ZSCAN31: variants seen among roughly 807,000 people sequenced by gnomAD.
ZSCAN31 encodes the protein zinc finger and SCAN domain containing 31.
In ZSCAN31, 14 loss-of-function variants were observed where a neutral mutation model predicts 22.5. The ratio of observed to expected loss-of-function variants is 0.62; its 90% CI spans 0.41 to 0.97. The LOEUF is 0.97. Ranked by LOEUF, ZSCAN31 falls within the 50% of genes least tolerant of loss-of-function variation. The pLI, the probability that ZSCAN31 is intolerant of heterozygous loss-of-function variation, is 0.00. For synonymous variants in ZSCAN31, 168 were observed against 169.8 expected, an observed-to-expected ratio of 0.99 and a Z score of 0.08; for missense variants, 424 against 483.4, an observed-to-expected ratio of 0.88 and a Z score of 1.15.
At position 28,326,629 on chromosome 6, in the gene ZSCAN31, A is replaced by G; in HGVS notation, c.758T>C (p.Val253Ala). The change falls in exon 4 of 4, where the codon GTA becomes GCA. Residue 253 changes from valine to alanine, a missense_variant. Coordinates refer to ENST00000344279, the MANE Select transcript of ZSCAN31 (RefSeq NM_030899.5). ...ECGKSFTKSS[V>A]LIEHQRIHTG... is the part of the protein sequence containing the mutation. ...GTGGATTCTCTGGTGCTCAATGAGTACTGAACTCTTAGTGAAGCTTTTCCC... is the reference window on the plus strand; with the variant it reads ...GTGGATTCTCTGGTGCTCAATGAGTGCTGAACTCTTAGTGAAGCTTTTCCC... 1.9e-6 allele frequency: 3 copies of G among 1,614,078 alleles called. No individual in the cohort carries two copies. Among genetic ancestry groups the G allele is most frequent in the Non-Finnish European group, 2.5e-6 (3 of 1,180,012 alleles).
Position 28,326,080 on chromosome 6 carries a change from A to G in ZSCAN31, c.*86T>C. 6 of 1,264,690 alleles carry G rather than the reference A, an allele frequency of 4.7e-6. No individual in the cohort carries two copies. The highest frequency in any genetic ancestry group is 5.5e-6 in the Non-Finnish European group (5 of 913,866). The allele number at this position is 1,264,690 out of a possible 1,614,324, so 78.3% of individuals were successfully genotyped here. The stretch of plus-strand genomic sequence containing the variant: ...TAGGGGTCTGAGGGTCCACAGAATT[A>G]GTCCAGTTCTGCTGGAACAGTATGG... On this transcript the variant is annotated 3_prime_UTR_variant, in exon 4 of 4. Coordinates refer to ENST00000344279, the MANE Select transcript of ZSCAN31 (RefSeq NM_030899.5).
Position 28,326,308 on chromosome 6 carries a change from A to T in ZSCAN31, c.1079T>A (p.Phe360Tyr). 6.2e-7 allele frequency: 1 copy of T among 1,614,232 alleles called. No homozygotes were observed. The highest frequency in any genetic ancestry group is 8.5e-7 in the Non-Finnish European group (1 of 1,180,038). The change falls in exon 4 of 4, where the codon TTC becomes TAC. Residue 360 changes from phenylalanine to tyrosine, a missense_variant. Coordinates refer to ENST00000344279, the MANE Select transcript of ZSCAN31 (RefSeq NM_030899.5). ...CTGGAAAAGCCCTGCATTCTGAATG[A>T]AGGCTTTGCCACACTCACGACACTG... ...RYQCRECGKA[F>Y]IQNAGLFQHL...
At chr6:28,342,164 C>A (rs1198193832) in intron 2 of ZSCAN31, among the ~76,000 whole-genome samples, 1 of 152,148 alleles carries the variant, frequency 6.6e-6, no homozygotes, top group Non-Finnish European at 1.5e-5. Flanking sequence ...CTGGGGCTCA[C>A]CTGAATGTGT....
At position 28,329,498 on chromosome 6, in the gene ZSCAN31, T is replaced by A. The variant is rs765469712; in HGVS notation, c.186A>T (p.Glu62Asp). ...GPREALSRLR[E>D]LCHQWLRPEI... The stretch of plus-strand genomic sequence containing the variant: ...CTGGCCTTAGCCACTGATGACAGAG[T>A]TCTCGGAGCCGGCTCAGAGCTTCTC... The change falls in exon 2 of 4, where the codon GAA becomes GAT. Residue 62 changes from glutamate (E) to aspartate (D), a missense_variant. Transcript: ENST00000344279. The A allele has an allele frequency of 1.2e-6, 2 of 1,614,058 alleles. No individual in the cohort carries two copies. Among genetic ancestry groups the A allele is most frequent in the South Asian group, 2.2e-5 (2 of 91,064 alleles).
rs187844298 is a variant in ZSCAN31, at chr6:28,329,157, A to G, written c.381+146T>C. 630 of 972,278 alleles carry G rather than the reference A, an allele frequency of 6.5e-4. 7 individuals carry two copies. The Admixed American group carries it at 0.014, about 21-fold the overall frequency. The allele number at this position is 972,278 out of a possible 1,614,324, so 60.2% of individuals were successfully genotyped here. Reference sequence around the variant, plus strand: ...CCCACCTGAGTCTTGTCATCAGATGACCATAGTCTTGGCCATTAAGGTTTA... The same window carrying G: ...CCCACCTGAGTCTTGTCATCAGATGGCCATAGTCTTGGCCATTAAGGTTTA... On this transcript the variant is annotated intron_variant, in intron 2 of 3. Transcript: ENST00000344279.
chr6:28,325,056 A>C lies in ZSCAN31; in HGVS notation c.*1110T>G, dbSNP rs1763171198. ...GACTATAGCATAGCAGCATTTAGAT[A>C]ACTTGCCTAAAGTCCCACAGCTCAC... On this transcript the variant is annotated 3_prime_UTR_variant, in exon 4 of 4. Coordinates refer to ENST00000344279, the MANE Select transcript of ZSCAN31 (RefSeq NM_030899.5). The C allele has an allele frequency of 6.6e-6, 1 of 152,222 alleles. No individual in the cohort carries two copies. The highest frequency in any genetic ancestry group is 1.9e-4 in the East Asian group (1 of 5,194). The allele number at this position is 152,222 out of a possible 1,614,324, so 9.4% of individuals were successfully genotyped here.
intron 2 of ZSCAN31, among the ~76,000 whole-genome samples, chr6:28,348,062 G>T (rs1319489101): frequency 7.0e-6 from 1 of 142,758 alleles, no homozygotes; most frequent in Non-Finnish European, 1.5e-5. Context: ...CTGTATGATT[G>T]TTGGCTTTTT....
rs770273823 is a variant in ZSCAN31, at chr6:28,326,453, G to T, written c.934C>A (p.Arg312=). 2.5e-5 allele frequency: 41 copies of T among 1,613,816 alleles called. No individual in the cohort carries two copies. The highest frequency in any genetic ancestry group is 3.4e-5 in the Non-Finnish European group (40 of 1,179,984). ...KAFSASNGLT[R]HRRIHTGEKP... ...TCCCCTGTGTGGATTCTTCTGTGTC[G>T]AGTGAGGCCATTGCTGGCACTGAAG... The change falls in exon 4 of 4, where the codon CGA becomes AGA. Residue 312 remains arginine (R), a synonymous_variant. Transcript: ENST00000344279.
chr6:28,335,151 T>C (rs1469907764), intron 1 of ZSCAN31, among the ~76,000 whole-genome samples: 2 of 152,088 alleles, frequency 1.3e-5, no homozygotes, highest in Non-Finnish European at 2.9e-5. Flanking sequence ...CTTAGGTGGA[T>C]AGCAAGGGAA....
chr6:28,354,059 C>T (rs79144650), intron 1 of ZSCAN31: 13,004 of 418,834 alleles, frequency 0.031, 699 homozygotes, highest in African/African-American at 0.15. Flanking sequence ...TCTCAGCAAA[C>T]GGCTCTGTGG....
intron 2 of ZSCAN31, chr6:28,353,719 T>C (rs1447326050): frequency 2.4e-6 from 1 of 415,726 alleles, no homozygotes; most frequent in Non-Finnish European, 4.9e-6. Context: ...AGTTAAAACC[T>C]TGCGAGTGAT....
Position 28,326,638 on chromosome 6 carries a change from T to C in ZSCAN31, c.749A>G (p.Lys250Arg), listed in dbSNP as rs1763296750. 6.2e-7 allele frequency: 1 copy of C among 1,614,084 alleles called. No individual in the cohort carries two copies. The highest frequency in any genetic ancestry group is 1.3e-5 in the African/African-American group (1 of 74,920). ...CTGGTGCTCAATGAGTACTGAACTC[T>C]TAGTGAAGCTTTTCCCACATTCATT... ...RCNECGKSFT[K>R]SSVLIEHQRI... The change falls in exon 4 of 4, where the codon AAG becomes AGG. Residue 250 changes from lysine (K) to arginine (R), a missense_variant. Physicochemically the swap from Lys to Arg is conservative, Grantham distance 26. Transcript: ENST00000344279.
rs139866117 is a variant in ZSCAN31, at chr6:28,351,288, G to C, written c.-371+2574C>G. Among the ~76,000 whole-genome samples, 1 of 152,248 alleles carries C rather than the reference G, an allele frequency of 6.6e-6. No homozygotes were observed. The highest frequency in any genetic ancestry group is 1.9e-4 in the East Asian group (1 of 5,180). ...AGTTTGTGGAATAAATGATATAAAT[G>C]TATCAGTGTTGTTTTCCTGCCATAG... On this transcript the variant is annotated intron_variant, in intron 2 of 7. Transcript: ENST00000396838. The surrounding 1 kb of genome is among the most constrained non-coding windows in gnomAD (Gnocchi z 4.6).
chr6:28,354,627 G>A (rs1057313172), upstream of ZSCAN31, among the ~76,000 whole-genome samples: 2 of 152,354 alleles, frequency 1.3e-5, no homozygotes, highest in African/African-American at 4.8e-5. Context: ...GTAATACAGG[G>A]AGCAATAATT....
intron 2 of ZSCAN31, among the ~76,000 whole-genome samples, chr6:28,352,914 T>C (rs531555443): frequency 6.6e-6 from 1 of 152,238 alleles, no homozygotes; most frequent in East Asian, 1.9e-4. Flanking sequence ...TTGGAATTGT[T>C]TTTCCCTTTG....
rs777438379 is a variant in ZSCAN31, at chr6:28,326,419, T to C, written c.968A>G (p.Tyr323Cys). The C allele has an allele frequency of 1.2e-6, 2 of 1,614,186 alleles. No homozygotes were observed. The highest frequency in any genetic ancestry group is 1.7e-6 in the Non-Finnish European group (2 of 1,180,008). Residue 323 changes from tyrosine (Y) to cysteine (C), a missense_variant, in exon 4 of 4, where the codon TAT (tyrosine) becomes TGT (cysteine). Physicochemically the swap from Tyr to Cys is radical, Grantham distance 194 (BLOSUM62 -2). Coordinates refer to ENST00000344279, the MANE Select transcript of ZSCAN31 (RefSeq NM_030899.5). ...HRRIHTGEKP[Y>C]ECKVCGKAFL... Reference sequence around the variant, plus strand: ...AGCCTTCCCACACACTTTGCATTCATATGGTTTTTCCCCTGTGTGGATTCT... The same window carrying C: ...AGCCTTCCCACACACTTTGCATTCACATGGTTTTTCCCCTGTGTGGATTCT...
intron 2 of ZSCAN31, among the ~76,000 whole-genome samples, chr6:28,345,790 A>C (rs1231857304): frequency 6.6e-6 from 1 of 152,204 alleles, no homozygotes. Context: ...CACCAGGAAC[A>C]TGCTGGCCAG....
At chr6:28,332,360 A>G (rs1763819459) in intron 1 of ZSCAN31, 1 of 152,218 alleles carries the variant, frequency 6.6e-6, no homozygotes, top group African/African-American at 2.4e-5. Context: ...GTGTCATCTG[A>G]TATCCTAGCA....
Position 28,347,401 on chromosome 6 carries a change from C to A in ZSCAN31, c.-370-5609G>T, listed in dbSNP as rs1342559927. On this transcript the variant is annotated intron_variant, in intron 2 of 7. Transcript: ENST00000396838. The surrounding 1 kb of genome is among the most constrained non-coding windows in gnomAD (Gnocchi z 5.2). ...CTTGGCCAGAATGTCACTAGACTTA[C>A]ACCATCTTATTTGTATTGCAGTTAG... 6.6e-6 allele frequency among the ~76,000 whole-genome samples: 1 copy of A among 152,166 alleles called. No homozygotes were observed. The highest frequency in any genetic ancestry group is 2.4e-5 in the African/African-American group (1 of 41,430).
Sources: allele counts gnomAD v4.1 joint callset (sites outside exome capture counted in the v4.1 genomes callset), GRCh38; gene constraint gnomAD v4.1.1; non-coding constraint Gnocchi (gnomAD v3.1); transcripts MANE v1.5; gene names NCBI Gene and HGNC (gene_info 2026-07-23, HGNC 2026-07-21).